Variants in ELK4 observed in about 807,000 individuals in gnomAD.
The protein encoded by ELK4 is ETS transcription factor ELK4.
In ELK4, 16 loss-of-function variants were observed where a neutral mutation model predicts 29.6. That is an observed-to-expected ratio of 0.54 (90% CI 0.37 to 0.82). The LOEUF (loss-of-function observed/expected upper bound fraction) is 0.82, where lower values mean the gene tolerates loss of function less well. Among genes scored for constraint, ELK4 ranks in the 40% least tolerant of loss-of-function variants. The probability of loss-of-function intolerance (pLI) is 0.00; values close to 1 mark genes in which losing one functional copy is unlikely to be tolerated. For synonymous variants in ELK4, 213 were observed against 191.1 expected, an observed-to-expected ratio of 1.11 and a Z score of -0.95; for missense variants, 465 against 507.1, an observed-to-expected ratio of 0.92 and a Z score of 0.80.
chr1:205,624,775 T>G (rs182417601), intron 1 of ELK4, among the ~76,000 whole-genome samples: 1 of 152,148 alleles, frequency 6.6e-6, no homozygotes, highest in African/African-American at 2.4e-5. Flanking sequence ...TAGATGCCAG[T>G]AGCACCGCCT....
chr1:205,629,967 G>A (rs893061093), intron 1 of ELK4, among the ~76,000 whole-genome samples: 4 of 151,906 alleles, frequency 2.6e-5, no homozygotes, highest in Non-Finnish European at 5.9e-5. Flanking sequence ...GCCGGGAGAT[G>A]GAGGTTGCAG....
rs1670173477 is a variant in ELK4 at position 205,612,905 on chromosome 1, C to T, written c.*3641G>A. On this transcript the variant is annotated 3_prime_UTR_variant, in exon 5 of 5. Transcript: ENST00000357992. ...AAAAAATCCAGTAGCCTAATAGAGG[C>T]TCATAGGTTTACTGTCCCTATCAAA... 1 of 203,786 alleles carries T rather than the reference C, an allele frequency of 4.9e-6. No homozygotes were observed. The highest frequency in any genetic ancestry group is 2.3e-5 in the African/African-American group (1 of 43,622). The allele number at this position is 203,786 out of a possible 1,614,324, so 12.6% of individuals were successfully genotyped here.
chr1:205,622,975 T>TA (rs926237139), intron 2 of ELK4, among the ~76,000 whole-genome samples: 6 of 151,556 alleles, frequency 4.0e-5, no homozygotes, highest in South Asian at 2.1e-4. Context: ...CCACCTCTAC[T>TA]AAAAAAATAA....
At chr1:205,625,566 C>T (rs1257337164) in intron 1 of ELK4, 14 of 894,034 alleles carry the variant, frequency 1.6e-5, no homozygotes, top group South Asian at 5.2e-5. Context: ...ATACCCGGAC[C>T]GGGTGCCGGT....
intron 1 of ELK4, among the ~76,000 whole-genome samples, chr1:205,626,571 C>CAA (rs368959060): frequency 4.8e-5 from 7 of 146,420 alleles, no homozygotes; most frequent in South Asian, 2.2e-4. Context: ...AAGAAACCAC[C>CAA]AAAAAAAAAA....
intron 3 of ELK4, chr1:205,619,565 T>C: frequency 8.5e-7 from 1 of 1,177,422 alleles, no homozygotes; most frequent in Non-Finnish European, 1.0e-6. Context: ...CTGTACCAAC[T>C]TGTTACTCAA....
At chr1:205,626,427 T>C (rs1199835297) in intron 1 of ELK4, among the ~76,000 whole-genome samples, 1 of 152,190 alleles carries the variant, frequency 6.6e-6, no homozygotes, top group East Asian at 1.9e-4. Flanking sequence ...CCAGTGATTG[T>C]TTCAGTTTCT....
chr1:205,628,532 G>GA (rs1670509535), intron 1 of ELK4, among the ~76,000 whole-genome samples: 1 of 152,050 alleles, frequency 6.6e-6, no homozygotes, highest in South Asian at 2.1e-4. Flanking sequence ...ATTTGTTTTT[G>GA]AAAAAATTCC....
rs1670400983 is a variant in ELK4 at position 205,623,866 on chromosome 1, G to A, written c.17C>T (p.Thr6Ile). The change falls in exon 2 of 5, where the codon ACC becomes ATC. Residue 6 changes from threonine to isoleucine, a missense_variant. Thr to Ile is a moderately conservative substitution (Grantham distance 89). Transcript: ENST00000357992. MDSAI[T>I]LWQFLLQLLQ... ...GAGCTGAAGAAGGAACTGCCACAGG[G>A]TGATAGCACTGTCCATAGCAATGAG... The A allele has an allele frequency of 1.2e-6, 2 of 1,614,178 alleles. No individual in the cohort carries two copies. Among genetic ancestry groups the A allele is most frequent in the Non-Finnish European group, 1.7e-6 (2 of 1,180,026 alleles).
In ELK4 at chr1:205,620,278, C is replaced by T. The variant is rs200645347; in HGVS notation, c.768G>A (p.Ser256=). The change falls in exon 3 of 5, where the codon TCG becomes TCA. Residue 256 remains serine, a synonymous_variant. Transcript: ENST00000357992. ...GAGGTTCCTGCAAAGGGGGTATGGA[C>T]GAAATGGGTGGTGTGGTGGCAAAAG... ...MTAFATTPPI[S]SIPPLQEPPR... is the part of the protein sequence containing the mutation. 101 of 1,614,048 alleles carry T rather than the reference C, an allele frequency of 6.3e-5. No homozygotes were observed. The East Asian group carries it at 8.2e-4, about 13-fold the overall frequency.
At chr1:205,624,512 C>T (rs190540882) in intron 1 of ELK4, among the ~76,000 whole-genome samples, 1 of 152,304 alleles carries the variant, frequency 6.6e-6, no homozygotes, top group Non-Finnish European at 1.5e-5. Context: ...GCAAAGTGTT[C>T]TCTTTTCTGT....
At position 205,620,915 on chromosome 1, in the gene ELK4, G is replaced by A. The variant is rs751604852; in HGVS notation, c.208-77C>T. 3.1e-5 allele frequency: 45 copies of A among 1,445,256 alleles called. 1 individual carries two copies. The South Asian group carries it at 5.2e-4, about 17-fold the overall frequency. The allele number at this position is 1,445,256 out of a possible 1,614,324, so 89.5% of individuals were successfully genotyped here. The stretch of plus-strand genomic sequence containing the variant: ...CATAGTTCATGAAAAAGCTGGCATC[G>A]GCCAGGCACAGTGGCTCATGCCTGT... On this transcript the variant is annotated intron_variant, in intron 2 of 4. Coordinates refer to ENST00000357992, the MANE Select transcript of ELK4 (RefSeq NM_001973.4).
chr1:205,617,180 G>C (rs746377490), intron 4 of ELK4, among the ~76,000 whole-genome samples: 8 of 152,004 alleles, frequency 5.3e-5, no homozygotes, highest in Non-Finnish European at 1.0e-4. Flanking sequence ...TCAATTATCT[G>C]CTCATGTGTG....
intron 1 of ELK4, among the ~76,000 whole-genome samples, chr1:205,624,639 C>T (rs1670417395): frequency 1.3e-5 from 2 of 152,170 alleles, no homozygotes; most frequent in Non-Finnish European, 2.9e-5. Flanking sequence ...GTTTCAGGAT[C>T]TCCCTGTTTA....
At chr1:205,623,293 T>G (rs1226518087) in intron 2 of ELK4, among the ~76,000 whole-genome samples, 1 of 150,930 alleles carries the variant, frequency 6.6e-6, no homozygotes, top group African/African-American at 2.4e-5. Flanking sequence ...ATCTATAACC[T>G]CAACAGAAAA....
intron 4 of ELK4, among the ~76,000 whole-genome samples, 199 bp downstream of exon 4, chr1:205,618,757 AG>A (rs1305582841): frequency 6.6e-6 from 1 of 152,232 alleles, no homozygotes; most frequent in Non-Finnish European, 1.5e-5. Context: ...TGGAAGGTGC[AG>A]GTTGCAGTGA....
At chr1:205,628,871 TA>T (rs5780290) in intron 1 of ELK4, among the ~76,000 whole-genome samples, 29 of 148,096 alleles carry the variant, frequency 2.0e-4, no homozygotes, top group South Asian at 4.3e-4. Context: ...TTGAGGACAG[TA>T]AAAAAAAAAA....
intron 4 of ELK4, among the ~76,000 whole-genome samples, chr1:205,618,085 G>T (rs984683529): frequency 6.6e-6 from 1 of 152,016 alleles, no homozygotes; most frequent in Non-Finnish European, 1.5e-5. Flanking sequence ...GAGTGCAGCG[G>T]TGCCATTATA....
At chr1:205,630,852 G>A (rs980640225) in intron 1 of ELK4, among the ~76,000 whole-genome samples, 4 of 152,112 alleles carry the variant, frequency 2.6e-5, no homozygotes, top group Non-Finnish European at 5.9e-5. Flanking sequence ...GTAGGGGGTG[G>A]GAAAAGACGA....
Sources: allele counts gnomAD v4.1 joint callset (sites outside exome capture counted in the v4.1 genomes callset), GRCh38; gene constraint gnomAD v4.1.1; transcripts MANE v1.5; gene names NCBI Gene and HGNC (gene_info 2026-07-23, HGNC 2026-07-21).